The following CLUH variants were observed in gnomAD, a reference collection of about 807,000 sequenced individuals.
CLUH encodes the protein CLUH binding protein of NUMT mRNA.
In CLUH, 77 loss-of-function variants were observed where a neutral mutation model predicts 139.3. The ratio of observed to expected loss-of-function variants is 0.55; its 90% CI spans 0.46 to 0.67. The LOEUF (loss-of-function observed/expected upper bound fraction) is 0.67, where lower values mean the gene tolerates loss of function less well. Among genes scored for constraint, CLUH ranks in the 30% least tolerant of loss-of-function variants. The pLI is 0.00. For missense variants in CLUH, 1,876 were observed against 1,875.8 expected, an observed-to-expected ratio of 1.00 and a Z score of 0.00; for synonymous variants, 999 against 801.6, an observed-to-expected ratio of 1.25 and a Z score of -4.16.
At chr17:2,709,543 C>T (rs1333583350) in intron 1 of CLUH, among the ~76,000 whole-genome samples, 9 of 152,308 alleles carry the variant, frequency 5.9e-5, no homozygotes, top group Non-Finnish European at 7.4e-5. Context: ...TGGGCCTCAA[C>T]TCCAGGGAGC....
In CLUH at chr17:2,703,295, G is replaced by A; in HGVS notation, c.475+23C>T. On this transcript the variant is annotated intron_variant, in intron 3 of 25. Transcript: ENST00000651024. This position sits in a 1 kb window ranked among gnomAD's most constrained non-coding sequence, Gnocchi z 4.2. Reference sequence around the variant, plus strand: ...GCCTCCGTGGGCCCTCCCCCGGGCAGGCTGTCCAACTTCCAGACCAACCTT... The same window carrying A: ...GCCTCCGTGGGCCCTCCCCCGGGCAAGCTGTCCAACTTCCAGACCAACCTT... 1.3e-6 allele frequency: 2 copies of A among 1,597,612 alleles called. No homozygotes were observed. Among genetic ancestry groups the A allele is most frequent in the South Asian group, 2.2e-5 (2 of 89,036 alleles).
intron 13 of CLUH, 158 bp from the exon 14 acceptor site, chr17:2,695,684 G>A (rs2069913338): frequency 2.9e-6 from 3 of 1,018,596 alleles, no homozygotes; most frequent in Non-Finnish European, 4.2e-6. Flanking sequence ...CCTCTGGCAG[G>A]AGCGCAGGCC....
chr17:2,694,015 A>G lies in CLUH; in HGVS notation c.3116T>C (p.Leu1039Pro). 1 of 1,613,900 alleles carries G rather than the reference A, an allele frequency of 6.2e-7. No individual in the cohort carries two copies. The highest frequency in any genetic ancestry group is 8.5e-7 in the Non-Finnish European group (1 of 1,179,850). Residue 1039 changes from leucine to proline, a missense_variant, in exon 19 of 26, where the codon CTC becomes CCC. Physicochemically the swap from Leu to Pro is moderately conservative, Grantham distance 98. Transcript: ENST00000651024. ...AAACAGGTTCAGGGCCTCATTGATG[A>G]GCTCACAGCCCTCCTTCAGGAAGCC... The part of the protein sequence containing the change: ...QQGFLKEGCE[L>P]INEALNLFNN...
At chr17:2,690,844 C>A in intron 25 of CLUH, 67 bp from the exon 26 acceptor site, 1 of 1,294,242 alleles carries the variant, frequency 7.7e-7, no homozygotes, top group Non-Finnish European at 1.0e-6. Flanking sequence ...CGCCTCCCGG[C>A]TTTCCTGTGG....
chr17:2,694,821 A>AAACCCCCCCCCC, intron 16 of CLUH, 36 bp downstream of exon 16: 13 of 1,446,320 alleles, frequency 9.0e-6, no homozygotes, highest in Non-Finnish European at 1.0e-5. Flanking sequence ...CATCTGCCCA[A>AAACCCCCCCCCC]TCCCACCCAC....
intron 6 of CLUH, 44 bp from the exon 7 acceptor site, chr17:2,701,309 C>T (rs1048422358): frequency 2.5e-6 from 4 of 1,606,866 alleles, no homozygotes; most frequent in Non-Finnish European, 3.4e-6. Flanking sequence ...CAGGTGTCTG[C>T]CCAGACCCAG....
chr17:2,703,361 G>A lies in CLUH; in HGVS notation c.432C>T (p.Ser144=), dbSNP rs754135692. 3.7e-6 allele frequency: 6 copies of A among 1,613,080 alleles called. No homozygotes were observed. The highest frequency in any genetic ancestry group is 2.7e-5 in the African/African-American group (2 of 75,032). ...NVLDHFSELR[S]VEGLQEGSVL... ...CAGAGCCCTCCTGCAGCCCCTCGACGCTGCGCAGCTCCGAGAAGTGGTCCA... is the reference window on the plus strand; with the variant it reads ...CAGAGCCCTCCTGCAGCCCCTCGACACTGCGCAGCTCCGAGAAGTGGTCCA... The change falls in exon 3 of 26, where the codon AGC becomes AGT. Residue 144 remains serine (S), a synonymous_variant. Transcript: ENST00000651024. The surrounding 1 kb of genome is among the most constrained non-coding windows in gnomAD (Gnocchi z 4.2).
At position 2,697,933 on chromosome 17, in the gene CLUH, G is replaced by C; in HGVS notation, c.1924C>G (p.Leu642Val). ...PRAHRHKLCC[L>V]RQELVDAFVE... ...AAGGCGTCCACCAGCTCCTGGCGCA[G>C]GCAGCAGAGCTTGTGCCGGTGGGCG... The change falls in exon 10 of 26, where the codon CTG becomes GTG. Residue 642 changes from leucine to valine, a missense_variant. This residue lies in a region of CLUH where 1,454 missense variants were observed against 1,384.4 expected (regional missense o/e 1.05). Coordinates refer to ENST00000651024, the MANE Select transcript of CLUH (RefSeq NM_001366661.1). 6.5e-7 allele frequency: 1 copy of C among 1,543,780 alleles called. No individual in the cohort carries two copies. The highest frequency in any genetic ancestry group is 1.2e-5 in the South Asian group (1 of 84,096).
At position 2,707,644 on chromosome 17, in the gene CLUH, A is replaced by T. The variant is rs1223022977; in HGVS notation, c.101-3080T>A. On this transcript the variant is annotated intron_variant, in intron 1 of 25. Coordinates refer to ENST00000651024, the MANE Select transcript of CLUH (RefSeq NM_001366661.1). The surrounding 1 kb of genome is among the most constrained non-coding windows in gnomAD (Gnocchi z 7.4). The stretch of plus-strand genomic sequence containing the variant: ...TGGCTGGCAGGGGCAGGGCCCAGCA[A>T]GGGGGTCCTCTCCTCCGCTCCCATC... 4.1e-6 allele frequency: 4 copies of T among 985,224 alleles called. No individual in the cohort carries two copies. The highest frequency in any genetic ancestry group is 6.1e-5 in the Admixed American group (1 of 16,270). 61.0% of individuals were successfully genotyped at this position (985,224 alleles called of 1,614,324 possible). A position where few individuals can be genotyped will look rare whatever the true frequency, so the allele number is the denominator to read the frequency against.
intron 23 of CLUH, 43 bp from the exon 24 acceptor site, chr17:2,691,938 C>CCCCGT: frequency 9.4e-7 from 1 of 1,066,448 alleles, no homozygotes; most frequent in Non-Finnish European, 1.2e-6. Context: ...CGTGCCCCCG[C>CCCCGT]GGCCCCGCCC....
Position 2,704,236 on chromosome 17 carries a change from G to T in CLUH, c.303+126C>A. The T allele has an allele frequency of 1.0e-6, 1 of 995,776 alleles. No individual in the cohort carries two copies. Among genetic ancestry groups the T allele is most frequent in the Non-Finnish European group, 1.5e-6 (1 of 684,204 alleles). 61.7% of individuals were successfully genotyped at this position (995,776 alleles called of 1,614,324 possible). On this transcript the variant is annotated intron_variant, in intron 2 of 25. Coordinates refer to ENST00000651024, the MANE Select transcript of CLUH (RefSeq NM_001366661.1). The surrounding 1 kb of genome is among the most constrained non-coding windows in gnomAD (Gnocchi z 5.7). ...ACGCTAGCTGAGTGACTCTAGGGAG[G>T]GCACGGGATCCTCAGTTTCCTGCCA...
At position 2,690,513 on chromosome 17, in the gene CLUH, G is replaced by GCCCGCAGGCTCGCCCCCTTCT. The variant is rs2069579511; in HGVS notation, c.*60_*80dup. ...GGAAGAGGGCCTTGCTTCCTCTTCC[G>GCCCGCAGGCTCGCCCCCTTCT]CCCGCAGGCTCGCCCCCTTCTCCCG... On this transcript the variant is annotated 3_prime_UTR_variant, in exon 26 of 26. Transcript: ENST00000651024. 7.9e-7 allele frequency: 1 copy of GCCCGCAGGCTCGCCCCCTTCT among 1,258,002 alleles called. No individual in the cohort carries two copies. The highest frequency in any genetic ancestry group is 1.0e-6 in the Non-Finnish European group (1 of 961,862). 77.9% of individuals were successfully genotyped at this position (1,258,002 alleles called of 1,614,324 possible).
intron 17 of CLUH, 96 bp downstream of exon 17, chr17:2,694,384 C>T (rs2069840830): frequency 2.0e-6 from 3 of 1,522,810 alleles, no homozygotes; most frequent in Non-Finnish European, 2.7e-6. Flanking sequence ...GAAAAAGCCA[C>T]TTCCCCTGTG....
At position 2,706,198 on chromosome 17, in the gene CLUH, GCAGGAGCCT is replaced by G. The variant is rs2070345405; in HGVS notation, c.101-1643_101-1635del. Among the ~76,000 whole-genome samples the G allele has an allele frequency of 6.6e-6, 1 of 152,274 alleles. No individual in the cohort carries two copies. Among genetic ancestry groups the G allele is most frequent in the East Asian group, 1.9e-4 (1 of 5,176 alleles). ...AATCCGGACCCACCAGAAACACGGA[GCAGGAGCCT>G]CAGGGAAGGGATGAGGCCAGTACGG... On this transcript the variant is annotated intron_variant, in intron 1 of 25. Coordinates refer to ENST00000651024, the MANE Select transcript of CLUH (RefSeq NM_001366661.1). This position sits in a 1 kb window ranked among gnomAD's most constrained non-coding sequence, Gnocchi z 4.6.
At position 2,691,996 on chromosome 17, in the gene CLUH, C is replaced by A. The variant is rs1280581584; in HGVS notation, c.3654+8G>T. 1.4e-6 allele frequency: 2 copies of A among 1,422,408 alleles called. No individual in the cohort carries two copies. Among genetic ancestry groups the A allele is most frequent in the South Asian group, 1.3e-5 (1 of 76,720 alleles). The allele number at this position is 1,422,408 out of a possible 1,614,324, so 88.1% of individuals were successfully genotyped here. A position where few individuals can be genotyped will look rare whatever the true frequency, so the allele number is the denominator to read the frequency against. On this transcript the variant is annotated splice_region_variant and intron_variant, in intron 23 of 25. Coordinates refer to ENST00000651024, the MANE Select transcript of CLUH (RefSeq NM_001366661.1). ...CGCCCCCGCCCCCGCCACGCCCCCGCCGCGCACCTGCGTCTTGTAGATGGT... is the reference window on the plus strand; with the variant it reads ...CGCCCCCGCCCCCGCCACGCCCCCGACGCGCACCTGCGTCTTGTAGATGGT...
In CLUH at chr17:2,704,960, T is replaced by C. The variant is rs1244936883; in HGVS notation, c.101-396A>G. Among the ~76,000 whole-genome samples, 1 of 152,040 alleles carries C rather than the reference T, an allele frequency of 6.6e-6. No homozygotes were observed. Among genetic ancestry groups the C allele is most frequent in the East Asian group, 1.9e-4 (1 of 5,170 alleles). On this transcript the variant is annotated intron_variant, in intron 1 of 25. Transcript: ENST00000651024. This position sits in a 1 kb window ranked among gnomAD's most constrained non-coding sequence, Gnocchi z 5.7. ...CCTTGCCCCTCCCTCTCCAGCTCCA[T>C]CCTCTTCCATCCCTCCTGAGCTGTG...
intron 1 of CLUH, among the ~76,000 whole-genome samples, chr17:2,710,214 G>GA (rs1439942966): frequency 6.6e-6 from 1 of 152,208 alleles, no homozygotes; most frequent in African/African-American, 2.4e-5. Flanking sequence ...TGCTAGAGGG[G>GA]AAATCAGCCA....
chr17:2,701,772 C>G, intron 4 of CLUH, 35 bp from the exon 5 acceptor site: 1 of 1,556,176 alleles, frequency 6.4e-7, no homozygotes, highest in South Asian at 1.2e-5. Flanking sequence ...AGCACAGGGC[C>G]ACCCAGGGCC....
rs2070027317 is a variant in CLUH at position 2,697,988 on chromosome 17, A to T, written c.1869T>A (p.Pro623=). Reference sequence around the variant, plus strand: ...GGAAGCCGGCGCGGGCGCATTCCTCAGGCAGCTCCTCGCCAGGCACGGGCA... The same window carrying T: ...GGAAGCCGGCGCGGGCGCATTCCTCTGGCAGCTCCTCGCCAGGCACGGGCA... ...NFLPVPGEEL[P]EECARAGFPR... The change falls in exon 10 of 26, where the codon CCT becomes CCA. Residue 623 remains proline (P), a synonymous_variant. Coordinates refer to ENST00000651024, the MANE Select transcript of CLUH (RefSeq NM_001366661.1). The T allele has an allele frequency of 6.3e-7, 1 of 1,593,232 alleles. No individual in the cohort carries two copies. The highest frequency in any genetic ancestry group is 1.1e-5 in the South Asian group (1 of 88,828).
Sources: allele counts gnomAD v4.1 joint callset (sites outside exome capture counted in the v4.1 genomes callset), GRCh38; gene constraint gnomAD v4.1.1; regional missense constraint gnomAD v4.1.1; non-coding constraint Gnocchi (gnomAD v3.1); transcripts MANE v1.5; gene names NCBI Gene and HGNC (gene_info 2026-07-23, HGNC 2026-07-21).